The following HSPG2 variants were observed in gnomAD, a reference collection of about 807,000 sequenced individuals.
HSPG2 encodes the protein basement membrane-specific heparan sulfate proteoglycan core protein.
A neutral mutation model predicts 526.6 loss-of-function variants in HSPG2; 278 were observed. The observed-to-expected ratio is 0.53, with a 90% CI of 0.48 to 0.58. HSPG2 has a LOEUF of 0.58. HSPG2 is among the 20% of genes least tolerant of loss of function. The pLI, the probability that HSPG2 is intolerant of heterozygous loss-of-function variation, is 0.00. For missense variants in HSPG2, 5,354 were observed against 6,099.5 expected, an observed-to-expected ratio of 0.88 and a Z score of 4.07; for synonymous variants, 2,465 against 2,555.4, an observed-to-expected ratio of 0.96 and a Z score of 1.07.
In HSPG2 at chr1:21,926,028, C is replaced by T. The variant is rs1008952284; in HGVS notation, c.63+11127G>A. ...TATTTTCAGTAGAGATGGGGTTTTA[C>T]CATGTTGGCCAGGCTGCTCTCGAAC... On this transcript the variant is annotated intron_variant, in intron 1 of 96. Coordinates refer to ENST00000374695, the MANE Select transcript of HSPG2 (RefSeq NM_005529.7). 8.5e-5 allele frequency among the ~76,000 whole-genome samples: 13 copies of T among 152,146 alleles called. No individual in the cohort carries two copies. In the South Asian group the frequency reaches 1.0e-3, roughly 12 times the overall value.
At chr1:21,930,773 CAA>C (rs577150920) in intron 1 of HSPG2, among the ~76,000 whole-genome samples, 10 of 108,524 alleles carry the variant, frequency 9.2e-5, no homozygotes, top group Non-Finnish European at 9.8e-5. Context: ...GACTCCATCT[CAA>C]AAAAAAAAAA....
rs762915590 is a variant in HSPG2, at chr1:21,878,616, T to C, written c.2519A>G (p.Asp840Gly). The C allele has an allele frequency of 1.2e-6, 2 of 1,614,058 alleles. No individual in the cohort carries two copies. The highest frequency in any genetic ancestry group is 3.3e-5 in the Admixed American group (2 of 60,024). Residue 840 changes from aspartate (D) to glycine (G), a missense_variant, in exon 19 of 97, where the codon GAC becomes GGC. Coordinates refer to ENST00000374695, the MANE Select transcript of HSPG2 (RefSeq NM_005529.7). ...GCCAGTGTAGCCTGGGGCACAGGCG[T>C]CACATGTGGCTTGGCCATCCGTGTC... is the stretch of plus-strand genomic sequence containing the variant. Reference protein sequence around the residue: ...FLDTDGQATCDACAPGYTGRR... With the variant: ...FLDTDGQATCGACAPGYTGRR...
At chr1:21,838,242 G>A (rs1041486966) in intron 74 of HSPG2, among the ~76,000 whole-genome samples, 7 of 152,048 alleles carry the variant, frequency 4.6e-5, no homozygotes, top group Non-Finnish European at 8.8e-5. Flanking sequence ...TTTGAACCCA[G>A]GTCTGAGTCC....
rs1043991772 is a variant in HSPG2 at position 21,872,591 on chromosome 1, G to A, written c.4029+29C>T. The A allele has an allele frequency of 9.6e-6, 15 of 1,568,386 alleles. No homozygotes were observed. The highest frequency in any genetic ancestry group is 2.7e-5 in the African/African-American group (2 of 74,300). On this transcript the variant is annotated intron_variant, in intron 32 of 96. Coordinates refer to ENST00000374695, the MANE Select transcript of HSPG2 (RefSeq NM_005529.7). This position sits in a 1 kb window ranked among gnomAD's most constrained non-coding sequence, Gnocchi z 5.5. ...GTAACAGGCAGCAGGTGGCAACACC[G>A]CCTGGGGCTGGGCAGCACAGGCTCT...
At chr1:21,906,984 G>A (rs374663924) in intron 1 of HSPG2, among the ~76,000 whole-genome samples, 7 of 152,164 alleles carry the variant, frequency 4.6e-5, no homozygotes, top group Non-Finnish European at 8.8e-5. Context: ...AAGGAAAAGC[G>A]GGCTGGCGGC....
intron 68 of HSPG2, 23 bp from the exon 69 acceptor site, chr1:21,842,165 C>G: frequency 6.2e-7 from 1 of 1,613,368 alleles, no homozygotes; most frequent in Non-Finnish European, 8.5e-7. Context: ...GGGCAGAGGG[C>G]TGGGCTCAGC....
At position 21,872,093 on chromosome 1, in the gene HSPG2, A is replaced by C; in HGVS notation, c.4221+93T>G. 2 of 1,366,560 alleles carry C rather than the reference A, an allele frequency of 1.5e-6. No homozygotes were observed. Among genetic ancestry groups the C allele is most frequent in the Non-Finnish European group, 2.0e-6 (2 of 980,476 alleles). The allele number at this position is 1,366,560 out of a possible 1,614,324, so 84.7% of individuals were successfully genotyped here. ...CCACGTGCCTAACCACGATATGGCC[A>C]TGCAGGTGGCAGGTGCCTGCCTGCT... is the stretch of plus-strand genomic sequence containing the variant. On this transcript the variant is annotated intron_variant, in intron 33 of 96. Transcript: ENST00000374695. This position sits in a 1 kb window ranked among gnomAD's most constrained non-coding sequence, Gnocchi z 5.5.
At position 21,842,367 on chromosome 1, in the gene HSPG2, T is replaced by G; in HGVS notation, c.8924A>C (p.Gln2975Pro). Reference sequence around the variant, plus strand: ...AGGGGAGACGAGGTGGAGCCGCAGCTGGGAGCCATGGGTCTGTCAGAGCAG... The same window carrying G: ...AGGGGAGACGAGGTGGAGCCGCAGCGGGGAGCCATGGGTCTGTCAGAGCAG... ...LPARHQTHGSQLRLHLVSPAD... is the reference protein window; with the variant it reads ...LPARHQTHGSPLRLHLVSPAD... Residue 2975 changes from glutamine to proline, a missense_variant, in exon 68 of 97, where the codon CAG becomes CCG. Physicochemically the swap from Gln to Pro is moderately conservative, Grantham distance 76 (BLOSUM62 -1). Coordinates refer to ENST00000374695, the MANE Select transcript of HSPG2 (RefSeq NM_005529.7). The G allele has an allele frequency of 6.2e-7, 1 of 1,607,924 alleles. No homozygotes were observed.
chr1:21,899,807 G>A (rs548767350), intron 1 of HSPG2, among the ~76,000 whole-genome samples: 2 of 152,342 alleles, frequency 1.3e-5, no homozygotes, highest in South Asian at 4.1e-4. Flanking sequence ...CAGACCACAG[G>A]TGAGGAGCTG....
Position 21,893,752 on chromosome 1 carries a change from A to G in HSPG2, c.244+2170T>C, listed in dbSNP as rs1196248813. Among the ~76,000 whole-genome samples, 2 of 152,218 alleles carry G rather than the reference A, an allele frequency of 1.3e-5. No homozygotes were observed. Among genetic ancestry groups the G allele is most frequent in the Middle Eastern group, 3.4e-3 (1 of 294 alleles). Reference sequence around the variant, plus strand: ...GAGAAGCAGAGAGAGAGGCAGAGACATTGCAAGAGAGAGGGAGACACAAAG... The same window carrying G: ...GAGAAGCAGAGAGAGAGGCAGAGACGTTGCAAGAGAGAGGGAGACACAAAG... On this transcript the variant is annotated intron_variant, in intron 3 of 96. Coordinates refer to ENST00000374695, the MANE Select transcript of HSPG2 (RefSeq NM_005529.7). The surrounding 1 kb of genome is among the most constrained non-coding windows in gnomAD (Gnocchi z 4.3).
In HSPG2 at chr1:21,842,833, G is replaced by C. The variant is rs371076634; in HGVS notation, c.8847C>G (p.Pro2949=). ...GQTLDLNCVV[P]GQAHAQVTWY... ...ACGTGACCTGGGCATGGGCCTGCCC[G>C]GGCACCACACAGTTCAGATCCAGAG... The change falls in exon 67 of 97, where the codon CCC becomes CCG. Residue 2949 remains proline (P), a synonymous_variant. Transcript: ENST00000374695. 6.2e-7 allele frequency: 1 copy of C among 1,613,998 alleles called. No homozygotes were observed. Among genetic ancestry groups the C allele is most frequent in the Non-Finnish European group, 8.5e-7 (1 of 1,180,018 alleles).
At chr1:21,889,004 C>T (rs533459863) in intron 6 of HSPG2, among the ~76,000 whole-genome samples, 1 of 152,310 alleles carries the variant, frequency 6.6e-6, no homozygotes, top group Admixed American at 6.5e-5. Context: ...TAGCTCACTG[C>T]AGCCTCAAAC....
In HSPG2 at chr1:21,862,596, AAG is replaced by A. The variant is rs72048459; in HGVS notation, c.4741-483_4741-482del. 8.6e-3 allele frequency among the ~76,000 whole-genome samples: 1,234 copies of A among 143,056 alleles called. 100 individuals carry two copies. Among genetic ancestry groups the A allele is most frequent in the African/African-American group, 0.026 (1,008 of 38,668 alleles). 93.9% of individuals were successfully genotyped at this position (143,056 alleles called of 152,430 possible). A position where few individuals can be genotyped will look rare whatever the true frequency, so the allele number is the denominator to read the frequency against. On this transcript the variant is annotated intron_variant, in intron 37 of 96. Transcript: ENST00000374695. ...GAGACTCCATCTCAAAAAAAAAAAA[AAG>A]AAAAAAGCAAAAAAAGCTAGAAACA... is the stretch of plus-strand genomic sequence containing the variant.
chr1:21,909,157 C>G (rs1557821016), intron 1 of HSPG2, among the ~76,000 whole-genome samples: 1 of 152,186 alleles, frequency 6.6e-6, no homozygotes, highest in Non-Finnish European at 1.5e-5. Flanking sequence ...AGGAGTCAGG[C>G]TGCAGAGACC....
chr1:21,874,540 G>A lies in HSPG2; in HGVS notation c.3529-7C>T, dbSNP rs1476017390. On this transcript the variant is annotated splice_region_variant and splice_polypyrimidine_tract_variant and intron_variant, in intron 27 of 96. Coordinates refer to ENST00000374695, the MANE Select transcript of HSPG2 (RefSeq NM_005529.7). ...CCGTGTGATGCTGGCAGCCCTGGAG[G>A]AGCAGGATGTGAGTTGAGGCTGGGC... 6 of 1,613,798 alleles carry A rather than the reference G, an allele frequency of 3.7e-6. No individual in the cohort carries two copies. The Admixed American group carries it at 6.7e-5, about 18-fold the overall frequency.
chr1:21,881,200 G>T, intron 14 of HSPG2, 139 bp downstream of exon 14: 1 of 1,048,296 alleles, frequency 9.5e-7, no homozygotes, highest in Non-Finnish European at 1.5e-6. Context: ...CTGAATGGAT[G>T]AGCCGCTGCC....
chr1:21,862,162 C>T (rs1557738768), intron 37 of HSPG2, 47 bp from the exon 38 acceptor site: 8 of 1,604,670 alleles, frequency 5.0e-6, no homozygotes, highest in Non-Finnish European at 5.9e-6. Flanking sequence ...GCCAAATTTA[C>T]CAGAAGCCTT....
intron 1 of HSPG2, among the ~76,000 whole-genome samples, chr1:21,917,594 T>C (rs1643919262): frequency 1.3e-5 from 2 of 152,184 alleles, no homozygotes; most frequent in Admixed American, 6.5e-5. Context: ...CTTGGACTTC[T>C]CCACCCATCA....
chr1:21,851,430 T>C, intron 55 of HSPG2, 116 bp downstream of exon 55: 1 of 1,475,480 alleles, frequency 6.8e-7, no homozygotes, highest in Non-Finnish European at 9.4e-7. Context: ...TATACATCTG[T>C]GCAATGGGGT....
Sources: gnomAD v4.1 joint callset for allele counts (sites outside exome capture counted in the v4.1 genomes callset) on GRCh38, gnomAD v4.1.1 for gene constraint, Gnocchi (gnomAD v3.1) non-coding constraint, MANE v1.5 for transcripts, NCBI Gene and HGNC (gene_info 2026-07-23, HGNC 2026-07-21) for gene names.